The following FGF14 variants were observed in gnomAD, a reference collection of about 807,000 sequenced individuals.
FGF14 encodes fibroblast growth factor homologous factor 4.
FGF14 carries 5 observed loss-of-function variants against 25.5 expected under a neutral mutation model. The observed-to-expected ratio is 0.20, with a 90% CI of 0.10 to 0.41. FGF14 has a LOEUF of 0.41. Ranked by LOEUF, FGF14 falls within the 10% of genes least tolerant of loss-of-function variation. The probability of loss-of-function intolerance (pLI) is 1.00; values close to 1 mark genes in which losing one functional copy is unlikely to be tolerated. For missense variants in FGF14, 222 were observed against 320.1 expected, an observed-to-expected ratio of 0.69 and a Z score of 2.34; for synonymous variants, 138 against 118.3, an observed-to-expected ratio of 1.17 and a Z score of -1.08.
intron 3 of FGF14, among the ~76,000 whole-genome samples, chr13:101,811,500 T>C (rs915751486): frequency 6.6e-6 from 1 of 152,228 alleles, no homozygotes; most frequent in African/African-American, 2.4e-5. Context: ...CAGTTATTTA[T>C]CTATGCTCAT....
chr13:102,065,138 C>T (rs2042848170), intron 1 of FGF14, among the ~76,000 whole-genome samples: 1 of 152,076 alleles, frequency 6.6e-6, no homozygotes, highest in African/African-American at 2.4e-5. Context: ...CCTCCACATT[C>T]ATCATCATCT....
intron 3 of FGF14, among the ~76,000 whole-genome samples, chr13:101,821,963 T>C (rs1247635573): frequency 1.3e-5 from 2 of 152,226 alleles, no homozygotes; most frequent in Admixed American, 6.5e-5. Context: ...TATCATCTTT[T>C]CACTCTCATA....
At chr13:102,161,567 A>AGTC (rs1386258495) in intron 1 of FGF14, among the ~76,000 whole-genome samples, 3 of 2,068 alleles carry the variant, frequency 1.5e-3, no homozygotes, top group Admixed American at 9.8e-3. Context: ...ACTTTCTGTG[A>AGTC]AGAAAGAAAG....
rs11384326 is a variant in FGF14, at chr13:102,279,718, T to TA, written c.208+121752dup. Among the ~76,000 whole-genome samples, 560 of 152,026 alleles carry TA rather than the reference T, an allele frequency of 3.7e-3. 1 individual carries two copies. The highest frequency in any genetic ancestry group is 0.012 in the African/African-American group (513 of 41,520). On this transcript the variant is annotated intron_variant, in intron 1 of 4. Coordinates refer to the FGF14 transcript ENST00000376131. Reference sequence around the variant, plus strand: ...TTTACTCCCCTTAAAAAAAGTAAGTTAAAAAAAAATTGAACCCTTCTTGGA... The same window carrying TA: ...TTTACTCCCCTTAAAAAAAGTAAGTTAAAAAAAAAATTGAACCCTTCTTGGA...
chr13:101,717,064 A>G lies in FGF14; in HGVS notation c.*5767T>C, dbSNP rs2034751850. 6.6e-6 allele frequency: 1 copy of G among 152,066 alleles called. No individual in the cohort carries two copies. The highest frequency in any genetic ancestry group is 2.4e-5 in the African/African-American group (1 of 41,438). 9.4% of individuals were successfully genotyped at this position (152,066 alleles called of 1,614,324 possible). ...AATTACTTTGTAAAATCCTAGAATA[A>G]TGTAGCAAAATCATTTCCGTATTAC... On this transcript the variant is annotated 3_prime_UTR_variant, in exon 5 of 5. Transcript: ENST00000376143.
At chr13:102,040,180 C>A (rs1303614602) in intron 1 of FGF14, among the ~76,000 whole-genome samples, 1 of 152,116 alleles carries the variant, frequency 6.6e-6, no homozygotes, top group African/African-American at 2.4e-5. Flanking sequence ...CTAAAAATGT[C>A]TCTCTTGCTC....
At chr13:102,042,292 T>C (rs949992643) in intron 1 of FGF14, among the ~76,000 whole-genome samples, 2 of 152,188 alleles carry the variant, frequency 1.3e-5, no homozygotes, top group Admixed American at 1.3e-4. Flanking sequence ...ACCTGTGAAA[T>C]GTACACAAAT....
intron 3 of FGF14, among the ~76,000 whole-genome samples, chr13:101,857,524 A>G (rs542512759): frequency 5.8e-4 from 88 of 152,156 alleles, no homozygotes; most frequent in Non-Finnish European, 1.1e-3. Context: ...CACCCTTTCA[A>G]TGAAATTGCC....
chr13:102,331,169 G>A (rs186517512), intron 1 of FGF14, among the ~76,000 whole-genome samples: 296 of 152,212 alleles, frequency 1.9e-3, no homozygotes, highest in Admixed American at 3.1e-3. Context: ...AATTCCTTGG[G>A]ACACAGAAAA....
At chr13:101,932,913 A>T (rs1161292956) in intron 1 of FGF14, among the ~76,000 whole-genome samples, 4 of 152,174 alleles carry the variant, frequency 2.6e-5, no homozygotes, top group Admixed American at 2.6e-4. Context: ...ATCAAAATTG[A>T]TGAGATGGGA....
intron 3 of FGF14, among the ~76,000 whole-genome samples, chr13:101,748,747 T>TAAA (rs55785965): frequency 9.9e-5 from 7 of 70,694 alleles, no homozygotes; most frequent in African/African-American, 3.2e-4. Context: ...TGGAGGTTTC[T>TAAA]AAAAAAAAAA....
chr13:101,893,510 T>C (rs1212132792), intron 1 of FGF14, among the ~76,000 whole-genome samples: 2 of 152,098 alleles, frequency 1.3e-5, no homozygotes, highest in Non-Finnish European at 2.9e-5. Context: ...AAGATTAAGT[T>C]AGGGACTGTG....
In FGF14 at chr13:102,154,097, T is replaced by C. The variant is rs557594508; in HGVS notation, c.208+247374A>G. On this transcript the variant is annotated intron_variant, in intron 1 of 4. Transcript: ENST00000376131. ...TCCACGAGAATAACAACAATGTAAA[T>C]ATAGTTAAATCTTTGAACTCCCAAT... 7.9e-5 allele frequency among the ~76,000 whole-genome samples: 12 copies of C among 152,214 alleles called. No homozygotes were observed. The South Asian group carries it at 2.5e-3, about 32-fold the overall frequency.
At chr13:102,340,062 T>C (rs755888344) in intron 1 of FGF14, among the ~76,000 whole-genome samples, 4 of 152,218 alleles carry the variant, frequency 2.6e-5, no homozygotes, top group Non-Finnish European at 5.9e-5. Flanking sequence ...TGGACTTGTT[T>C]AGTTTATTTT....
intron 3 of FGF14, among the ~76,000 whole-genome samples, chr13:101,818,411 T>C (rs1178967884): frequency 2.6e-5 from 4 of 152,224 alleles, no homozygotes; most frequent in African/African-American, 9.6e-5. Context: ...ATATTTTGGG[T>C]AGCATCCTCC....
At chr13:101,949,495 G>A (rs1163418642) in intron 1 of FGF14, among the ~76,000 whole-genome samples, 1 of 152,164 alleles carries the variant, frequency 6.6e-6, no homozygotes, top group Non-Finnish European at 1.5e-5. Context: ...GTAAATGGAT[G>A]CCATTTGCAG....
At chr13:102,293,509 C>T (rs1478008513) in intron 1 of FGF14, 1 of 152,146 alleles carries the variant, frequency 6.6e-6, no homozygotes, top group Non-Finnish European at 1.5e-5. Flanking sequence ...TTTCCTGGTT[C>T]TCTGTTGACA....
intron 1 of FGF14, among the ~76,000 whole-genome samples, chr13:101,987,905 A>G (rs1175900227): frequency 6.6e-6 from 1 of 152,150 alleles, no homozygotes; most frequent in Non-Finnish European, 1.5e-5. Flanking sequence ...ATGGATATAT[A>G]GTCAGTGCCC....
intron 1 of FGF14, among the ~76,000 whole-genome samples, chr13:102,118,036 G>A (rs915974195): frequency 1.3e-5 from 2 of 151,948 alleles, no homozygotes; most frequent in Non-Finnish European, 2.9e-5. Flanking sequence ...ATGCCAAATT[G>A]GTACCCAATC....
Sources: allele counts gnomAD v4.1 joint callset (sites outside exome capture counted in the v4.1 genomes callset), GRCh38; gene constraint gnomAD v4.1.1; transcripts MANE v1.5; gene names NCBI Gene and HGNC (gene_info 2026-07-23, HGNC 2026-07-21).